Variants in CEMIP2 observed in about 807,000 individuals in gnomAD.
The protein encoded by CEMIP2 is cell surface hyaluronidase CEMIP2.
CEMIP2 carries 79 observed loss-of-function variants against 146.9 expected under a neutral mutation model. The observed-to-expected ratio is 0.54, with a 90% CI of 0.45 to 0.65. The LOEUF (loss-of-function observed/expected upper bound fraction) is 0.65, where lower values mean the gene tolerates loss of function less well. Among genes scored for constraint, CEMIP2 ranks in the 30% least tolerant of loss-of-function variants. CEMIP2 has a pLI of 0.00. For synonymous variants in CEMIP2, 601 were observed against 606.3 expected (o/e 0.99, Z 0.13); for missense variants, 1,596 against 1,696.2 (o/e 0.94, Z 1.04).
intron 1 of CEMIP2, among the ~76,000 whole-genome samples, chr9:71,762,659 A>C (rs1056213854): frequency 6.6e-6 from 1 of 152,212 alleles, no homozygotes; most frequent in African/African-American, 2.4e-5. Context: ...CTGCTCAAGC[A>C]TATTTTTCAA....
chr9:71,737,269 ATGG>A (rs1199413323), intron 5 of CEMIP2, among the ~76,000 whole-genome samples: 4 of 151,854 alleles, frequency 2.6e-5, no homozygotes, highest in Non-Finnish European at 5.9e-5. Flanking sequence ...CCTGGCCAAC[ATGG>A]TGAAACCCCG....
chr9:71,720,603 T>C (rs1823206733), intron 12 of CEMIP2, among the ~76,000 whole-genome samples: 1 of 152,196 alleles, frequency 6.6e-6, no homozygotes, highest in African/African-American at 2.4e-5. Flanking sequence ...TGATTAACTG[T>C]TCAGTCAGCT....
At position 71,698,157 on chromosome 9, in the gene CEMIP2, C is replaced by G. The variant is rs1822455593; in HGVS notation, c.3425G>C (p.Ser1142Thr). ...TTCACATCCCTGAGATGAACAGTAA[C>G]TGTGGCCATGCCTGTGGCTTTTGGC... ...LKAKSHRHGH[S>T]YCSSQGCERV... The change falls in exon 20 of 24, where the codon AGT becomes ACT. Residue 1142 changes from serine (S) to threonine (T), a missense_variant. Ser to Thr is a moderately conservative substitution (Grantham distance 58, BLOSUM62 1). Coordinates refer to ENST00000377044, the MANE Select transcript of CEMIP2 (RefSeq NM_013390.3). The G allele has an allele frequency of 3.7e-6, 6 of 1,614,160 alleles. No homozygotes were observed. Among genetic ancestry groups the G allele is most frequent in the Non-Finnish European group, 5.1e-6 (6 of 1,180,026 alleles).
chr9:71,700,040 A>G (rs1476664723), intron 19 of CEMIP2, among the ~76,000 whole-genome samples: 1 of 152,198 alleles, frequency 6.6e-6, no homozygotes, highest in East Asian at 1.9e-4. Flanking sequence ...CGTGAGGAGA[A>G]AGGCTGAAGG....
At position 71,746,257 on chromosome 9, in the gene CEMIP2, TCTCCCTCCTTG is replaced by T; in HGVS notation, c.405_415del (p.Lys136TyrfsTer27). ...GGCGTCTGAGGTCAGACGGAGCATA[TCTCCCTCCTTG>T]ATAACAACTTGCTTTGCAGAATCTT... On this transcript the variant is annotated frameshift_variant, in exon 3 of 24. Transcript: ENST00000377044. LOFTEE classifies it high-confidence loss of function. The T allele has an allele frequency of 1.2e-6, 2 of 1,613,914 alleles. No individual in the cohort carries two copies. Among genetic ancestry groups the T allele is most frequent in the Non-Finnish European group, 1.7e-6 (2 of 1,179,882 alleles).
rs764631649 is a variant in CEMIP2 at position 71,740,174 on chromosome 9, C to T, written c.1093G>A (p.Val365Met). The change falls in exon 5 of 24, where the codon GTG (valine) becomes ATG (methionine). Residue 365 changes from valine to methionine, a missense_variant. By Grantham distance (21) the Val-to-Met change is conservative. Transcript: ENST00000377044. ...CTGCTATGATTTTCATAGTTTCTCA[C>T]GGATTCATTGCAAGAAGTGCTTCCA... is the stretch of plus-strand genomic sequence containing the variant. ...DGGSTSCNES[V>M]RNYENHSSGG... The T allele has an allele frequency of 1.2e-5, 20 of 1,613,872 alleles. No homozygotes were observed. Among genetic ancestry groups the T allele is most frequent in the East Asian group, 4.5e-5 (2 of 44,882 alleles).
chr9:71,683,785 G>A lies in CEMIP2; in HGVS notation c.*1412C>T, dbSNP rs1209678754. 6.6e-6 allele frequency: 1 copy of A among 152,618 alleles called. No homozygotes were observed. The highest frequency in any genetic ancestry group is 1.9e-4 in the East Asian group (1 of 5,196). 9.5% of individuals were successfully genotyped at this position (152,618 alleles called of 1,614,324 possible). ...GTTTCTCCTGGATACAAAGGTAGAG[G>A]CCATCAGCCTTTGCCCCTAGAAGAG... On this transcript the variant is annotated 3_prime_UTR_variant, in exon 24 of 24. Coordinates refer to ENST00000377044, the MANE Select transcript of CEMIP2 (RefSeq NM_013390.3).
chr9:71,728,229 C>CG (rs1823456957), intron 10 of CEMIP2, among the ~76,000 whole-genome samples: 1 of 17,162 alleles, frequency 5.8e-5, no homozygotes, highest in Non-Finnish European at 1.2e-4. Flanking sequence ...CTCTCTCTCT[C>CG]TCTATATATA....
chr9:71,740,460 G>A (rs995815968), intron 4 of CEMIP2, among the ~76,000 whole-genome samples: 2 of 152,222 alleles, frequency 1.3e-5, no homozygotes, highest in Non-Finnish European at 2.9e-5. Flanking sequence ...TGTAATAGGT[G>A]AAAGACCGAT....
intron 14 of CEMIP2, among the ~76,000 whole-genome samples, chr9:71,715,802 T>C (rs1241463652): frequency 6.6e-6 from 1 of 151,718 alleles, no homozygotes; most frequent in African/African-American, 2.4e-5. Flanking sequence ...ATTTTTTTAT[T>C]TTTGGTAGAG....
chr9:71,720,415 T>A (rs1025190709), intron 12 of CEMIP2, among the ~76,000 whole-genome samples: 3 of 152,198 alleles, frequency 2.0e-5, no homozygotes, highest in Non-Finnish European at 4.4e-5. Context: ...CTCAGTCTCC[T>A]GAGTAGCTCA....
intron 4 of CEMIP2, among the ~76,000 whole-genome samples, chr9:71,743,758 C>T (rs1345652763): frequency 1.3e-5 from 2 of 152,212 alleles, no homozygotes; most frequent in African/African-American, 4.8e-5. Flanking sequence ...TTAGCATCTC[C>T]TAAATATCCC....
Position 71,765,001 on chromosome 9 carries a change from G to A in CEMIP2, c.-13+3356C>T, listed in dbSNP as rs535353970. Among the ~76,000 whole-genome samples the A allele has an allele frequency of 2.8e-3, 429 of 152,032 alleles. 4 individuals are homozygous for A. Among genetic ancestry groups the A allele is most frequent in the Non-Finnish European group, 5.1e-3 (349 of 67,956 alleles). Reference sequence around the variant, plus strand: ...GCTAGCTTGGCTTGGGAGGCAGAGGGGAGAATGGATGTTACCGTACAAAAC... The same window carrying A: ...GCTAGCTTGGCTTGGGAGGCAGAGGAGAGAATGGATGTTACCGTACAAAAC... On this transcript the variant is annotated intron_variant, in intron 1 of 23. Transcript: ENST00000377044.
intron 18 of CEMIP2, among the ~76,000 whole-genome samples, chr9:71,702,266 A>C (rs1272043946): frequency 6.6e-6 from 1 of 150,824 alleles, no homozygotes; most frequent in Non-Finnish European, 1.5e-5. Context: ...TCAAGGAAAA[A>C]AAAAAAAAAA....
intron 19 of CEMIP2, chr9:71,699,348 A>G (rs1563997266): frequency 5.1e-6 from 2 of 394,482 alleles, no homozygotes; most frequent in Non-Finnish European, 1.0e-5. Context: ...TGTGAGGCTG[A>G]GGTGGGAGGA....
At chr9:71,711,649 G>A (rs1414010134) in intron 16 of CEMIP2, among the ~76,000 whole-genome samples, 1 of 152,014 alleles carries the variant, frequency 6.6e-6, no homozygotes, top group Non-Finnish European at 1.5e-5. Flanking sequence ...CACTGCCACA[G>A]TATTCTGCTT....
rs1462763066 is a variant in CEMIP2 at position 71,698,066 on chromosome 9, T to C, written c.3516A>G (p.Pro1172=). 6.2e-7 allele frequency: 1 copy of C among 1,614,146 alleles called. No individual in the cohort carries two copies. The highest frequency in any genetic ancestry group is 1.1e-5 in the South Asian group (1 of 91,084). ...DISNCMAKAY[P]QYYRKPSVVK... is the part of the protein sequence containing the mutation. ...CCACTGACGGCTTTCTGTAGTACTG[T>C]GGGTATGCTTTGGCCATGCAGTTAC... Residue 1172 remains proline, a synonymous_variant, in exon 20 of 24, where the codon CCA becomes CCG. Coordinates refer to ENST00000377044, the MANE Select transcript of CEMIP2 (RefSeq NM_013390.3).
At position 71,685,526 on chromosome 9, in the gene CEMIP2, A is replaced by G. The variant is rs140597110; in HGVS notation, c.3956-133T>C. The G allele has an allele frequency of 1.5e-3, 1,686 of 1,142,098 alleles. 13 individuals are homozygous for G. Among genetic ancestry groups the G allele is most frequent in the South Asian group, 9.7e-3 (545 of 56,108 alleles). 70.7% of individuals were successfully genotyped at this position (1,142,098 alleles called of 1,614,324 possible). A position where few individuals can be genotyped will look rare whatever the true frequency, so the allele number is the denominator to read the frequency against. ...ATTAAAAAACTCTGCACTTCCTTAC[A>G]TCAGCAAATGAACTCTCACCACCCA... On this transcript the variant is annotated intron_variant, in intron 23 of 23. Transcript: ENST00000377044.
intron 21 of CEMIP2, 62 bp downstream of exon 21, chr9:71,694,447 T>C (rs1382499516): frequency 6.0e-6 from 8 of 1,343,324 alleles, no homozygotes; most frequent in African/African-American, 5.8e-5. Context: ...ATAAGCTACC[T>C]AGTTTATGGC....
Sources: gnomAD v4.1 joint callset for allele counts (sites outside exome capture counted in the v4.1 genomes callset) on GRCh38, gnomAD v4.1.1 for gene constraint, MANE v1.5 for transcripts, NCBI Gene and HGNC (gene_info 2026-07-23, HGNC 2026-07-21) for gene names.